ERC2: variants seen among roughly 807,000 people sequenced by gnomAD.
ERC2 encodes the protein ELKS/RAB6-interacting/CAST family member 2, also known as ERC protein 2.
In ERC2, 42 loss-of-function variants were observed where a neutral mutation model predicts 114.8. The ratio of observed to expected loss-of-function variants is 0.37; its 90% confidence interval spans 0.29 to 0.47. ERC2 has a LOEUF of 0.47. Ranked by LOEUF, ERC2 falls within the 20% of genes least tolerant of loss-of-function variation. The pLI is 0.99. For synonymous variants in ERC2, 454 were observed against 425.5 expected, an observed-to-expected ratio of 1.07 and a Z score of -0.82; for missense variants, 939 against 1,150.7, an observed-to-expected ratio of 0.82 and a Z score of 2.66.
At chr3:55,688,236 T>C (rs17055750) in intron 16 of ERC2, among the ~76,000 whole-genome samples, 3,323 of 152,292 alleles carry the variant, frequency 0.022, 120 homozygotes, top group African/African-American at 0.075. Context: ...AGAGCCAGTA[T>C]GTATTTGCAC....
rs184228420 is a variant in ERC2 at position 56,379,591 on chromosome 3, G to A, written c.657+54760C>T. Among the ~76,000 whole-genome samples, 17 of 152,166 alleles carry A rather than the reference G, an allele frequency of 1.1e-4. No individual in the cohort carries two copies. In the East Asian group the frequency reaches 1.2e-3, roughly 10 times the overall value. ...GGTGGTGATGCTTGGATTTCAACTC[G>A]AGCAGTCTGACTCTACACTGCACAC... On this transcript the variant is annotated intron_variant, in intron 2 of 17. Transcript: ENST00000288221.
intron 17 of ERC2, among the ~76,000 whole-genome samples, chr3:55,600,402 T>C (rs2058344782): frequency 6.6e-6 from 1 of 152,168 alleles, no homozygotes. Flanking sequence ...TAACAGGCTG[T>C]CTTTAAGAGC....
intron 12 of ERC2, among the ~76,000 whole-genome samples, chr3:55,968,195 A>G (rs1019195503): frequency 2.0e-5 from 3 of 152,140 alleles, no homozygotes; most frequent in African/African-American, 7.2e-5. Context: ...ATTGGCTTAC[A>G]TTCCAAATGT....
intron 3 of ERC2, among the ~76,000 whole-genome samples, chr3:56,252,495 C>T (rs1205989853): frequency 6.6e-6 from 1 of 152,114 alleles, no homozygotes; most frequent in Admixed American, 6.5e-5. Flanking sequence ...TGGCTCATGC[C>T]TGTAATCCCA....
At chr3:55,520,205 C>A (rs2052815594) in intron 17 of ERC2, among the ~76,000 whole-genome samples, 1 of 152,016 alleles carries the variant, frequency 6.6e-6, no homozygotes, top group Non-Finnish European at 1.5e-5. Context: ...GTAATCCTAG[C>A]ACTTTGGGAG....
At chr3:55,645,480 T>A (rs1216465320) in intron 17 of ERC2, among the ~76,000 whole-genome samples, 1 of 152,250 alleles carries the variant, frequency 6.6e-6, no homozygotes, top group African/African-American at 2.4e-5. Context: ...TAACAAGTTA[T>A]CTTCTTTTGT....
intron 15 of ERC2, among the ~76,000 whole-genome samples, chr3:55,730,502 C>T (rs997506272): frequency 2.5e-4 from 38 of 152,206 alleles, no homozygotes; most frequent in African/African-American, 8.4e-4. Context: ...TGAGCACCTA[C>T]TATGTGCCTG....
intron 14 of ERC2, among the ~76,000 whole-genome samples, chr3:55,796,573 G>C (rs1162096019): frequency 6.6e-6 from 1 of 152,150 alleles, no homozygotes; most frequent in East Asian, 1.9e-4. Context: ...TTATAGGCTT[G>C]TGTCACTACG....
intron 17 of ERC2, among the ~76,000 whole-genome samples, chr3:55,605,194 C>T (rs146048198): frequency 0.027 from 4,030 of 152,006 alleles, 74 homozygotes; most frequent in Non-Finnish European, 0.039. Context: ...TGGCTCAGTG[C>T]AGCCTTGAAC....
Position 56,312,101 on chromosome 3 carries a change from T to C in ERC2, c.658-15666A>G, listed in dbSNP as rs557119649. On this transcript the variant is annotated intron_variant, in intron 2 of 17. Transcript: ENST00000288221. ...ATATATGCAATACTACGCCATTTTATGTCAGGGACTTGAGCGTCCACAGAT... is the reference window on the plus strand; with the variant it reads ...ATATATGCAATACTACGCCATTTTACGTCAGGGACTTGAGCGTCCACAGAT... Among the ~76,000 whole-genome samples the C allele has an allele frequency of 3.9e-5, 6 of 152,320 alleles. 1 individual carries two copies. The highest frequency in any genetic ancestry group is 1.4e-4 in the African/African-American group (6 of 41,568).
chr3:56,055,024 C>T (rs1416180005), intron 7 of ERC2, among the ~76,000 whole-genome samples: 2 of 152,164 alleles, frequency 1.3e-5, no homozygotes, highest in South Asian at 2.1e-4. Context: ...AGACAATGCG[C>T]GTGTTAGGTT....
chr3:56,188,874 T>C (rs2083804601), intron 3 of ERC2, among the ~76,000 whole-genome samples: 1 of 152,202 alleles, frequency 6.6e-6, no homozygotes, highest in African/African-American at 2.4e-5. Flanking sequence ...AGCCAAAATC[T>C]GCTGTCCGAC....
At chr3:56,139,727 C>A (rs1274741851) in intron 5 of ERC2, 51 bp from the exon 6 acceptor site, 1 of 1,528,394 alleles carries the variant, frequency 6.5e-7, no homozygotes, top group Non-Finnish European at 8.9e-7. Flanking sequence ...TGCCCCTACA[C>A]TTTACATTGG....
chr3:56,014,568 C>G (rs1271559676), intron 8 of ERC2, among the ~76,000 whole-genome samples: 1 of 152,070 alleles, frequency 6.6e-6, no homozygotes, highest in Non-Finnish European at 1.5e-5. Context: ...TCCCACAGAC[C>G]TCAGATTCCT....
intron 14 of ERC2, among the ~76,000 whole-genome samples, chr3:55,875,971 T>C (rs1407415147): frequency 1.3e-5 from 2 of 151,478 alleles, no homozygotes; most frequent in East Asian, 1.9e-4. Flanking sequence ...AAACAGGACA[T>C]GGAGTGGAAG....
intron 3 of ERC2, among the ~76,000 whole-genome samples, chr3:56,196,210 C>T (rs2048092633): frequency 6.6e-6 from 1 of 152,122 alleles, no homozygotes; most frequent in Non-Finnish European, 1.5e-5. Flanking sequence ...GATGGGCATG[C>T]TTCACCAGAA....
intron 6 of ERC2, among the ~76,000 whole-genome samples, chr3:56,082,569 G>A (rs1159351400): frequency 6.6e-6 from 1 of 151,914 alleles, no homozygotes; most frequent in Non-Finnish European, 1.5e-5. Context: ...TCAAAGCCAG[G>A]GTTAGAACAA....
chr3:55,995,057 G>C (rs190136201), intron 10 of ERC2, among the ~76,000 whole-genome samples: 1 of 152,110 alleles, frequency 6.6e-6, no homozygotes, highest in South Asian at 2.1e-4. Flanking sequence ...AACCTCGGCC[G>C]GGTGCGGTGG....
Position 55,699,463 on chromosome 3 carries a change from T to C in ERC2, c.2762A>G (p.His921Arg). Reference sequence around the variant, plus strand: ...GTGATGGTGGTGGTGGTGGTAATGGTGATGGTCATCATCATAGTTGTCTGC... The same window carrying C: ...GTGATGGTGGTGGTGGTGGTAATGGCGATGGTCATCATCATAGTTGTCTGC... Reference protein sequence around the residue: ...LMADNYDDDHHHYHHHHHHHH... With the variant: ...LMADNYDDDHRHYHHHHHHHH... Residue 921 changes from histidine (H) to arginine (R), a missense_variant, in exon 16 of 18, where the codon CAC becomes CGC. His to Arg is a conservative substitution (Grantham distance 29). Transcript: ENST00000288221. The C allele has an allele frequency of 6.2e-7, 1 of 1,613,628 alleles. No homozygotes were observed. The highest frequency in any genetic ancestry group is 8.5e-7 in the Non-Finnish European group (1 of 1,179,758).
Sources: allele counts gnomAD v4.1 joint callset (sites outside exome capture counted in the v4.1 genomes callset), GRCh38; gene constraint gnomAD v4.1.1; transcripts MANE v1.5; gene names NCBI Gene and HGNC (gene_info 2026-07-23, HGNC 2026-07-21).